Variants in C10orf90 observed in about 807,000 individuals in gnomAD.
C10orf90 encodes (E2-independent) E3 ubiquitin-conjugating enzyme FATS.
In C10orf90, 56 loss-of-function variants were observed where a neutral mutation model predicts 62.5. The ratio of observed to expected loss-of-function variants is 0.90; its 90% confidence interval spans 0.72 to 1.12. C10orf90 has a LOEUF of 1.12. C10orf90 is among the 50% of genes most tolerant of loss of function. The probability of loss-of-function intolerance (pLI) is 0.00; values close to 1 mark genes in which losing one functional copy is unlikely to be tolerated. For missense variants in C10orf90, 970 were observed against 880.4 expected (o/e 1.10, Z -1.29); for synonymous variants, 386 against 340.4 (o/e 1.13, Z -1.47).
intron 1 of C10orf90, among the ~76,000 whole-genome samples, chr10:126,650,753 CATAG>C (rs1465760989): frequency 1.3e-5 from 2 of 152,178 alleles, no homozygotes; most frequent in African/African-American, 2.4e-5. Flanking sequence ...GACTAGGACA[CATAG>C]ATTTTTAAAG....
At chr10:126,659,290 T>G (rs954631874) in intron 1 of C10orf90, among the ~76,000 whole-genome samples, 11 of 152,100 alleles carry the variant, frequency 7.2e-5, no homozygotes, top group Non-Finnish European at 4.4e-5. Context: ...CAGTGAGGAG[T>G]TGAGTGCATT....
intron 7 of C10orf90, among the ~76,000 whole-genome samples, chr10:126,436,081 G>A (rs769819097): frequency 1.3e-5 from 2 of 152,160 alleles, no homozygotes; most frequent in Non-Finnish European, 2.9e-5. Flanking sequence ...CAGGTTGCCC[G>A]TAGTGCCAAA....
intron 2 of C10orf90, among the ~76,000 whole-genome samples, chr10:126,614,856 C>T (rs1247960219): frequency 6.6e-5 from 10 of 152,200 alleles, no homozygotes; most frequent in Admixed American, 6.5e-4. Context: ...ATACTCTTTT[C>T]TCTATGCCGC....
chr10:126,604,171 C>T (rs750955925), intron 2 of C10orf90, among the ~76,000 whole-genome samples: 5 of 152,182 alleles, frequency 3.3e-5, no homozygotes, highest in Admixed American at 2.6e-4. Context: ...AACACAGATT[C>T]GGAGAAGCCA....
chr10:126,505,195 G>A (rs1862660593), intron 3 of C10orf90, 110 bp from the exon 4 acceptor site: 6 of 1,160,418 alleles, frequency 5.2e-6, no homozygotes, highest in Non-Finnish European at 7.1e-6. Flanking sequence ...ATAACACTCA[G>A]ATGTCTTGTC....
Position 126,447,902 on chromosome 10 carries a change from A to T in C10orf90, c.2188+11138T>A, listed in dbSNP as rs140890697. On this transcript the variant is annotated intron_variant, in intron 7 of 9. Coordinates refer to ENST00000488181, the MANE Select transcript of C10orf90 (RefSeq NM_001350921.2). ...TTGCTCTGTTTCCGGGTTGGAGTGGAGTGCAGTGGTGCAATCTTGGCTCAG... is the reference window on the plus strand; with the variant it reads ...TTGCTCTGTTTCCGGGTTGGAGTGGTGTGCAGTGGTGCAATCTTGGCTCAG... 1.9e-3 allele frequency among the ~76,000 whole-genome samples: 292 copies of T among 150,434 alleles called. 1 individual carries two copies. Among genetic ancestry groups the T allele is most frequent in the African/African-American group, 6.7e-3 (276 of 41,002 alleles).
At chr10:126,507,247 C>T (rs1862795403) in intron 3 of C10orf90, among the ~76,000 whole-genome samples, 1 of 151,158 alleles carries the variant, frequency 6.6e-6, no homozygotes, top group African/African-American at 2.4e-5. Context: ...GTCCCAGCTA[C>T]TCGGGAGGCT....
At chr10:126,476,678 A>T (rs377545906) in intron 4 of C10orf90, among the ~76,000 whole-genome samples, 66 of 152,310 alleles carry the variant, frequency 4.3e-4, no homozygotes, top group African/African-American at 1.5e-3. Flanking sequence ...AATCACTCCC[A>T]TTTAACGCGG....
intron 1 of C10orf90, among the ~76,000 whole-genome samples, chr10:126,664,033 C>T (rs749964965): frequency 3.3e-5 from 5 of 152,208 alleles, no homozygotes; most frequent in Non-Finnish European, 5.9e-5. Flanking sequence ...GAAGAACTCA[C>T]ACTCTCAAGA....
intron 2 of C10orf90, among the ~76,000 whole-genome samples, chr10:126,576,746 A>ACATATTATCTATATGTATATG (rs1844631760): frequency 4.8e-5 from 4 of 83,290 alleles, no homozygotes; most frequent in Non-Finnish European, 4.9e-5. Context: ...ATATGTATAT[A>ACATATTATCTATATGTATATG]TACATATAGA....
intron 2 of C10orf90, among the ~76,000 whole-genome samples, chr10:126,537,405 C>T (rs1342487768): frequency 6.6e-6 from 1 of 152,242 alleles, no homozygotes; most frequent in Non-Finnish European, 1.5e-5. Flanking sequence ...GCAACCTAGC[C>T]CCCCAAAACT....
chr10:126,630,013 T>C (rs1239363873), intron 2 of C10orf90, among the ~76,000 whole-genome samples: 1 of 152,240 alleles, frequency 6.6e-6, no homozygotes, highest in East Asian at 1.9e-4. Flanking sequence ...GCATTAACTA[T>C]ATGACATTGC....
At chr10:126,502,803 T>C (rs1488306547) in intron 4 of C10orf90, 1 of 528,798 alleles carries the variant, frequency 1.9e-6, no homozygotes. Flanking sequence ...GGAACATTGA[T>C]AGCTGCTTAT....
chr10:126,588,251 G>C (rs1481682358), intron 2 of C10orf90, among the ~76,000 whole-genome samples: 1 of 152,244 alleles, frequency 6.6e-6, no homozygotes, highest in African/African-American at 2.4e-5. Flanking sequence ...CTGTGGTTCA[G>C]ATGACTTAGT....
At chr10:126,546,231 C>A (rs1005534485) in intron 2 of C10orf90, among the ~76,000 whole-genome samples, 1 of 152,206 alleles carries the variant, frequency 6.6e-6, no homozygotes, top group African/African-American at 2.4e-5. Flanking sequence ...TAAAACTGTA[C>A]CCTCATGCCC....
chr10:126,645,438 C>A (rs1846150748), intron 2 of C10orf90, among the ~76,000 whole-genome samples: 1 of 149,080 alleles, frequency 6.7e-6, no homozygotes, highest in Admixed American at 6.7e-5. Context: ...ACAAACAAAA[C>A]AACTAGCTAG....
chr10:126,474,523 A>G (rs1377208512), intron 4 of C10orf90, among the ~76,000 whole-genome samples: 1 of 152,250 alleles, frequency 6.6e-6, no homozygotes, highest in Admixed American at 6.5e-5. Context: ...GTACAAATGT[A>G]TCTGCTAGAA....
At chr10:126,623,838 C>T (rs1294147547) in intron 2 of C10orf90, among the ~76,000 whole-genome samples, 4 of 66,968 alleles carry the variant, frequency 6.0e-5, no homozygotes, top group South Asian at 1.3e-3. Context: ...GAGACTCCAT[C>T]TCAAAAAAAA....
intron 5 of C10orf90, among the ~76,000 whole-genome samples, chr10:126,463,693 C>G (rs925714957): frequency 1.3e-5 from 2 of 152,222 alleles, no homozygotes; most frequent in Admixed American, 1.3e-4. Context: ...AATATACTTT[C>G]AAGTTCCTGC....
Sources: gnomAD v4.1 joint callset for allele counts (sites outside exome capture counted in the v4.1 genomes callset) on GRCh38, gnomAD v4.1.1 for gene constraint, MANE v1.5 for transcripts, NCBI Gene and HGNC (gene_info 2026-07-23, HGNC 2026-07-21) for gene names.